The following CCDC171 variants were observed in gnomAD, a reference collection of about 807,000 sequenced individuals.
CCDC171 encodes the protein coiled-coil domain-containing protein 171.
A neutral mutation model predicts 168.2 loss-of-function variants in CCDC171; 177 were observed. The ratio of observed to expected loss-of-function variants is 1.05; its 90% CI spans 0.93 to 1.19. CCDC171 has a LOEUF of 1.19. Ranked by LOEUF, CCDC171 falls within the 50% of genes most tolerant of loss-of-function variation. The pLI is 0.00. For synonymous variants in CCDC171, 687 were observed against 540.8 expected, an observed-to-expected ratio of 1.27 and a Z score of -3.75; for missense variants, 1,991 against 1,539.0, an observed-to-expected ratio of 1.29 and a Z score of -4.91.
intron 4 of CCDC171, among the ~76,000 whole-genome samples, chr9:15,582,881 T>C (rs368609704): frequency 1.3e-5 from 2 of 150,010 alleles, no homozygotes; most frequent in Non-Finnish European, 3.0e-5. Context: ...TGTATACCTA[T>C]GTAACAAACC....
At chr9:15,957,031 G>GTTT (rs60832172) in intron 25 of CCDC171, among the ~76,000 whole-genome samples, 11 of 144,250 alleles carry the variant, frequency 7.6e-5, no homozygotes, top group Non-Finnish European at 9.1e-5. Flanking sequence ...CTAGAAGTCT[G>GTTT]TTTTTTTTTT....
At chr9:15,836,335 G>T (rs1305444375) in intron 21 of CCDC171, among the ~76,000 whole-genome samples, 7 of 151,990 alleles carry the variant, frequency 4.6e-5, no homozygotes, top group Non-Finnish European at 8.8e-5. Context: ...TATCTGGAAC[G>T]CTGTTGGTCT....
At chr9:15,645,345 AG>A (rs36054607) in intron 7 of CCDC171, among the ~76,000 whole-genome samples, 68,772 of 152,024 alleles carry the variant, frequency 0.45, 15,846 homozygotes, top group Non-Finnish European at 0.51. Context: ...ACCTCTCCAA[AG>A]GAACTCAGCT....
At chr9:16,009,969 C>G (rs1832820092) in intron 3 of CCDC171, among the ~76,000 whole-genome samples, 2 of 152,102 alleles carry the variant, frequency 1.3e-5, no homozygotes, top group Non-Finnish European at 2.9e-5. Flanking sequence ...TATTCCAAAA[C>G]AAGAATTGGT....
At chr9:15,638,650 C>T (rs1391759534) in intron 7 of CCDC171, among the ~76,000 whole-genome samples, 1 of 151,204 alleles carries the variant, frequency 6.6e-6, no homozygotes, top group African/African-American at 2.4e-5. Context: ...TGTGCCTGAG[C>T]CAAAGAAGTT....
chr9:16,081,111 C>A, the CCDC171 span, among the ~76,000 whole-genome samples: 5 of 152,316 alleles, frequency 3.3e-5, no homozygotes, highest in African/African-American at 9.6e-5. Context: ...AGTTCAGACA[C>A]GCCATCAGAG....
At chr9:15,888,371 C>G (rs1020543140) in intron 24 of CCDC171, among the ~76,000 whole-genome samples, 3 of 152,138 alleles carry the variant, frequency 2.0e-5, no homozygotes, top group Non-Finnish European at 4.4e-5. Flanking sequence ...GTGTTTCATT[C>G]CAGTTAAGTA....
At chr9:15,746,042 T>G (rs1057174423) in intron 18 of CCDC171, among the ~76,000 whole-genome samples, 19 of 152,176 alleles carry the variant, frequency 1.2e-4, no homozygotes, top group Non-Finnish European at 2.5e-4. Context: ...TGTGATATAT[T>G]TTTTTACTTT....
At chr9:15,901,728 T>C (rs1821694973) in intron 24 of CCDC171, among the ~76,000 whole-genome samples, 1 of 152,210 alleles carries the variant, frequency 6.6e-6, no homozygotes, top group Non-Finnish European at 1.5e-5. Context: ...CATTAATGTG[T>C]CCTGTAAGGT....
At chr9:15,682,368 T>G (rs1450016302) in intron 10 of CCDC171, among the ~76,000 whole-genome samples, 3 of 152,028 alleles carry the variant, frequency 2.0e-5, no homozygotes, top group Non-Finnish European at 4.4e-5. Flanking sequence ...TATATAAATA[T>G]AAAACATAAT....
At chr9:15,692,188 C>A (rs535758589) in intron 10 of CCDC171, among the ~76,000 whole-genome samples, 1 of 151,994 alleles carries the variant, frequency 6.6e-6, no homozygotes, top group African/African-American at 2.4e-5. Context: ...CCAGCTTGGC[C>A]AATATGGTGA....
intron 3 of CCDC171, among the ~76,000 whole-genome samples, chr9:16,004,460 G>A (rs946609849): frequency 1.3e-5 from 2 of 152,194 alleles, no homozygotes; most frequent in African/African-American, 4.8e-5. Flanking sequence ...ATGACGAGCT[G>A]GTGGCCCAGT....
intron 1 of CCDC171, among the ~76,000 whole-genome samples, chr9:16,058,053 A>C (rs1564138856): frequency 6.9e-6 from 1 of 145,108 alleles, no homozygotes; most frequent in East Asian, 2.0e-4. Context: ...AAAAAAAAAA[A>C]ATAATAATAA....
At chr9:15,756,323 CA>C (rs2056113312) in intron 18 of CCDC171, among the ~76,000 whole-genome samples, 1 of 151,934 alleles carries the variant, frequency 6.6e-6, no homozygotes, top group African/African-American at 2.4e-5. Flanking sequence ...ATAACAGAAA[CA>C]AAAAATATTT....
chr9:15,684,564 G>T (rs965398338), intron 10 of CCDC171, among the ~76,000 whole-genome samples: 1 of 151,764 alleles, frequency 6.6e-6, no homozygotes, highest in African/African-American at 2.4e-5. Context: ...TTTTATTTAC[G>T]TGCCTTTCTA....
At chr9:15,914,536 G>A (rs1364129818) in intron 24 of CCDC171, among the ~76,000 whole-genome samples, 2 of 152,172 alleles carry the variant, frequency 1.3e-5, no homozygotes, top group African/African-American at 4.8e-5. Context: ...TCGGACTGCT[G>A]TGCTGGCAGC....
chr9:15,835,213 C>T (rs1268031360), intron 21 of CCDC171, among the ~76,000 whole-genome samples: 1 of 152,028 alleles, frequency 6.6e-6, no homozygotes, highest in East Asian at 1.9e-4. Flanking sequence ...AATATTTCCC[C>T]CTCAAAGAGT....
chr9:16,066,460 CTT>C (rs112524958), downstream of CCDC171, among the ~76,000 whole-genome samples: 1,030 of 144,768 alleles, frequency 7.1e-3, 4 homozygotes, highest in African/African-American at 0.016. Flanking sequence ...TTTTTCTTTT[CTT>C]TTTTTTTTTT....
intron 6 of CCDC171, among the ~76,000 whole-genome samples, chr9:15,596,667 T>C (rs2042390122): frequency 6.6e-6 from 1 of 151,246 alleles, no homozygotes. Flanking sequence ...AGTAGTTTTT[T>C]CCAATTCTGT....
Sources: gnomAD v4.1 joint callset for allele counts (sites outside exome capture counted in the v4.1 genomes callset) on GRCh38, gnomAD v4.1.1 for gene constraint, MANE v1.5 for transcripts, NCBI Gene and HGNC (gene_info 2026-07-23, HGNC 2026-07-21) for gene names.